RAB9B: variants seen among roughly 807,000 people sequenced by gnomAD.
The protein encoded by RAB9B is ras-related protein Rab-9B.
Under a neutral mutation model 8.9 loss-of-function variants are expected in RAB9B, and 1 was observed. The ratio of observed to expected loss-of-function variants is 0.11; its 90% CI spans 0.04 to 0.53. The LOEUF is 0.53. RAB9B is among the 20% of genes least tolerant of loss of function. The probability of loss-of-function intolerance (pLI) is 0.93; values close to 1 mark genes in which losing one functional copy is unlikely to be tolerated. For missense variants in RAB9B, 82 were observed against 152.9 expected (o/e 0.54, Z 2.45); for synonymous variants, 63 against 57.0 (o/e 1.10, Z -0.47).
the RAB9B span, chrX:103,781,396 A>G: frequency 3.6e-6 from 1 of 276,018 alleles, no homozygotes; most frequent in East Asian, 1.1e-4. Flanking sequence ...CAACTATCAC[A>G]GATTGATTAG....
At chrX:103,803,571 A>G in the RAB9B span, among the ~76,000 whole-genome samples, 1 of 112,468 alleles carries the variant, frequency 8.9e-6, no homozygotes, top group Non-Finnish European at 1.9e-5. Flanking sequence ...AGTACTTTAC[A>G]TATTTTTATT....
the RAB9B span, chrX:103,786,012 C>G: frequency 2.0e-6 from 1 of 502,960 alleles, no homozygotes; most frequent in Non-Finnish European, 3.0e-6. Context: ...TACACGTGTT[C>G]TGACTTCTGC....
At chrX:103,792,035 C>T in the RAB9B span, 1 of 110,978 alleles carries the variant, frequency 9.0e-6, no homozygotes, top group Non-Finnish European at 1.9e-5. Flanking sequence ...TGGTAAGCTT[C>T]CAGGAAAAAG....
At chrX:103,802,462 G>A in the RAB9B span, among the ~76,000 whole-genome samples, 1 of 111,599 alleles carries the variant, frequency 9.0e-6, no homozygotes. Flanking sequence ...GATACATAGA[G>A]TTTCTGATAC....
chrX:103,797,409 T>C, the RAB9B span, among the ~76,000 whole-genome samples: 2 of 112,273 alleles, frequency 1.8e-5, no homozygotes, highest in African/African-American at 6.5e-5. Flanking sequence ...AGAGAACAGT[T>C]TGGACACCAG....
the RAB9B span, among the ~76,000 whole-genome samples, chrX:103,780,433 C>CTG: frequency 0.078 from 2,066 of 26,578 alleles, 56 homozygotes; most frequent in African/African-American, 0.25. Flanking sequence ...TTCATTCTGT[C>CTG]TCTCTCTGTG....
chrX:103,817,189 A>G, the RAB9B span, among the ~76,000 whole-genome samples: 1 of 112,163 alleles, frequency 8.9e-6, no homozygotes, highest in South Asian at 3.7e-4. Context: ...CCAAATGTCC[A>G]TCAATGATAG....
At chrX:103,811,850 G>T in the RAB9B span, among the ~76,000 whole-genome samples, 1 of 110,959 alleles carries the variant, frequency 9.0e-6, no homozygotes, top group African/African-American at 3.3e-5. Flanking sequence ...TGAAGGCTGG[G>T]AAAGAGCCTT....
At chrX:103,786,936 T>C in the RAB9B span, 1 of 447,176 alleles carries the variant, frequency 2.2e-6, no homozygotes, top group South Asian at 3.3e-5. Context: ...TAAGCAAATT[T>C]CTTCTCAAAA....
the RAB9B span, chrX:103,786,819 C>T: frequency 6.5e-6 from 6 of 927,727 alleles, no homozygotes; most frequent in African/African-American, 7.7e-5. Flanking sequence ...GCTGGGTCCT[C>T]TCTAGGGGCC....
At chrX:103,811,969 G>A in the RAB9B span, among the ~76,000 whole-genome samples, 1 of 108,126 alleles carries the variant, frequency 9.2e-6, no homozygotes, top group Admixed American at 9.9e-5. Flanking sequence ...GAGAAAGAGA[G>A]GTCTCCTCTC....
chrX:103,821,513 C>G (rs895236280), downstream of RAB9B, among the ~76,000 whole-genome samples: 16 of 111,636 alleles, frequency 1.4e-4, no homozygotes, highest in Non-Finnish European at 2.6e-4. Context: ...AGATTTGTGT[C>G]CATAATTTTA....
At chrX:103,807,943 G>C in the RAB9B span, among the ~76,000 whole-genome samples, 1 of 112,407 alleles carries the variant, frequency 8.9e-6, no homozygotes, top group African/African-American at 3.2e-5. Context: ...ATCCAGTCAT[G>C]GGATGGAAGA....
the RAB9B span, among the ~76,000 whole-genome samples, chrX:103,801,077 C>G: frequency 9.0e-6 from 1 of 111,374 alleles, no homozygotes; most frequent in Non-Finnish European, 1.9e-5. Context: ...AAGCATAGAT[C>G]CATTGTAAGC....
chrX:103,831,639 G>C (rs1356938203), intron 1 of RAB9B, among the ~76,000 whole-genome samples: 2 of 107,238 alleles, frequency 1.9e-5, no homozygotes, highest in African/African-American at 3.4e-5. Context: ...AAGCTTCCTT[G>C]GGAGACAAGA....
chrX:103,821,862 T>C (rs997813867), downstream of RAB9B, among the ~76,000 whole-genome samples: 6 of 111,829 alleles, frequency 5.4e-5, no homozygotes, highest in Admixed American at 4.8e-4. Flanking sequence ...TCTGGGCTTT[T>C]AGTGTACCCA....
intron 1 of RAB9B, among the ~76,000 whole-genome samples, chrX:103,827,303 T>G (rs2074686983): frequency 8.9e-6 from 1 of 111,955 alleles, no homozygotes; most frequent in African/African-American, 3.2e-5. Flanking sequence ...TAATTTGTAA[T>G]TTATATAATT....
chrX:103,789,191 G>A, the RAB9B span: 1 of 542,069 alleles, frequency 1.8e-6, no homozygotes, highest in Admixed American at 2.5e-5. Context: ...CCCACATTTA[G>A]GGAAGTGAAA....
the RAB9B span, chrX:103,777,122 T>A: frequency 5.1e-6 from 3 of 592,829 alleles, no homozygotes; most frequent in Non-Finnish European, 8.6e-6. Context: ...ACTTGTTTTC[T>A]TTTTAAATTC....
Sources: gnomAD v4.1 joint callset for allele counts (sites outside exome capture counted in the v4.1 genomes callset) on GRCh38, gnomAD v4.1.1 for gene constraint, MANE v1.5 for transcripts, NCBI Gene and HGNC (gene_info 2026-07-23, HGNC 2026-07-21) for gene names.